Variants in HDAC4 observed in about 807,000 individuals in gnomAD.
HDAC4 encodes histone deacetylase A.
HDAC4 carries 16 observed loss-of-function variants against 135.1 expected under a neutral mutation model. That is an observed-to-expected ratio of 0.12 (90% CI 0.08 to 0.18). The LOEUF is 0.18. HDAC4 is among the 10% of genes least tolerant of loss of function. HDAC4 has a pLI of 1.00. For synonymous variants in HDAC4, 685 were observed against 653.4 expected, an observed-to-expected ratio of 1.05 and a Z score of -0.74; for missense variants, 1,143 against 1,511.8, an observed-to-expected ratio of 0.76 and a Z score of 4.05.
chr2:239,214,802 A>G (rs950254884), intron 3 of HDAC4, among the ~76,000 whole-genome samples: 5 of 152,242 alleles, frequency 3.3e-5, no homozygotes, highest in African/African-American at 1.2e-4. Context: ...CTCTGCACAC[A>G]CTTTAATGGG....
chr2:239,210,465 A>C (rs2046303608), intron 3 of HDAC4, among the ~76,000 whole-genome samples: 1 of 152,202 alleles, frequency 6.6e-6, no homozygotes, highest in South Asian at 2.1e-4. Context: ...AAAGAAAGTA[A>C]CTCAGTGCTA....
At chr2:239,182,946 C>A (rs897887904) in intron 4 of HDAC4, among the ~76,000 whole-genome samples, 2 of 152,126 alleles carry the variant, frequency 1.3e-5, no homozygotes, top group Non-Finnish European at 2.9e-5. Flanking sequence ...ATTCAGGCTT[C>A]GAAAAACAGG....
intron 8 of HDAC4, among the ~76,000 whole-genome samples, chr2:239,140,456 G>T (rs3791477): frequency 6.6e-5 from 10 of 152,206 alleles, no homozygotes; most frequent in African/African-American, 2.2e-4. Flanking sequence ...CACCTCTGAA[G>T]GGGTCTGCTG....
chr2:239,062,587 T>C (rs1361519212), intron 24 of HDAC4, among the ~76,000 whole-genome samples: 1 of 152,274 alleles, frequency 6.6e-6, no homozygotes, highest in African/African-American at 2.4e-5. Context: ...CGAAGTTCCC[T>C]ATTGTTATTT....
intron 6 of HDAC4, among the ~76,000 whole-genome samples, chr2:239,157,478 T>C (rs1184888646): frequency 1.3e-5 from 2 of 152,208 alleles, no homozygotes; most frequent in African/African-American, 2.4e-5. Flanking sequence ...ACAGGAATCG[T>C]CTGCCAGGAG....
At position 239,111,622 on chromosome 2, in the gene HDAC4, C is replaced by T. The variant is rs762919936; in HGVS notation, c.1882G>A (p.Gly628Ser). ...TGCGCCCGGGACAGAGGCCTGTGGC[C>T]GCCGAAGGACACGGGGATGCCGGCG... is the stretch of plus-strand genomic sequence containing the variant. The part of the protein sequence containing the change: ...EAAGIPVSFG[G>S]HRPLSRAQSS... Residue 628 changes from glycine to serine, a missense_variant, in exon 14 of 27, where the codon GGC becomes AGC. Around this residue, in one of 9 missense-constraint regions of HDAC4, gnomAD observed 196 missense variants for 210.7 expected, o/e 0.93. Transcript: ENST00000543185. 1.2e-5 allele frequency: 20 copies of T among 1,610,026 alleles called. No individual in the cohort carries two copies. The highest frequency in any genetic ancestry group is 1.7e-4 in the Middle Eastern group (1 of 6,028).
At position 239,325,598 on chromosome 2, in the gene HDAC4, G is replaced by T. The variant is rs1172146111; in HGVS notation, c.22+27080C>A. On this transcript the variant is annotated intron_variant, in intron 2 of 26. Coordinates refer to ENST00000543185, the MANE Select transcript of HDAC4 (RefSeq NM_001378414.1). The stretch of plus-strand genomic sequence containing the variant: ...TATTGGTGCGGATGTGAAGAAATTG[G>T]AACCCTCATACGTGGTGGGCAGGAA... Among the ~76,000 whole-genome samples, 4 of 152,218 alleles carry T rather than the reference G, an allele frequency of 2.6e-5. No individual in the cohort carries two copies. The East Asian group carries it at 7.7e-4, about 29-fold the overall frequency.
At chr2:239,168,706 G>A (rs968434096) in intron 5 of HDAC4, among the ~76,000 whole-genome samples, 2 of 152,202 alleles carry the variant, frequency 1.3e-5, no homozygotes, top group South Asian at 2.1e-4. Context: ...GGGGGAAGAC[G>A]CCGGCTTGGG....
intron 2 of HDAC4, among the ~76,000 whole-genome samples, chr2:239,342,130 T>C (rs570400610): frequency 6.6e-6 from 1 of 152,278 alleles, no homozygotes; most frequent in East Asian, 1.9e-4. Flanking sequence ...AGGTATTTTA[T>C]GATAGCAGGC....
At chr2:239,162,474 G>A in intron 6 of HDAC4, 1 of 395,506 alleles carries the variant, frequency 2.5e-6, no homozygotes, top group South Asian at 1.8e-5. Context: ...GGACAATGGA[G>A]TTTCTCCACA....
At chr2:239,317,323 T>C (rs1401094537) in intron 2 of HDAC4, among the ~76,000 whole-genome samples, 2 of 97,510 alleles carry the variant, frequency 2.1e-5, no homozygotes, top group African/African-American at 4.0e-5. Context: ...CCGGCGTGTG[T>C]GGGTGCAGGG....
intron 7 of HDAC4, among the ~76,000 whole-genome samples, chr2:239,153,420 A>C (rs1023570723): frequency 3.3e-5 from 5 of 152,254 alleles, no homozygotes; most frequent in African/African-American, 1.2e-4. Context: ...CATAACTAAA[A>C]TTTAATGACG....
chr2:239,276,561 G>A (rs2050377601), intron 2 of HDAC4, among the ~76,000 whole-genome samples: 1 of 152,232 alleles, frequency 6.6e-6, no homozygotes. Context: ...CCCTCTAGCT[G>A]GAGATGAGAC....
At chr2:239,113,524 C>A (rs556269626) in intron 13 of HDAC4, among the ~76,000 whole-genome samples, 1 of 152,350 alleles carries the variant, frequency 6.6e-6, no homozygotes, top group South Asian at 2.1e-4. Flanking sequence ...ATAAGGGGTT[C>A]TGCCTATTAC....
intron 3 of HDAC4, among the ~76,000 whole-genome samples, chr2:239,213,238 G>A (rs971656251): frequency 4.7e-4 from 5 of 10,578 alleles, no homozygotes; most frequent in African/African-American, 1.2e-3. Flanking sequence ...AGGGAGGGGC[G>A]GGCGGGGCAC....
intron 22 of HDAC4, among the ~76,000 whole-genome samples, chr2:239,077,240 C>A (rs1178144376): frequency 1.3e-5 from 2 of 152,272 alleles, no homozygotes; most frequent in Non-Finnish European, 1.5e-5. Flanking sequence ...TGGATGCAGC[C>A]CAGGTGAGCG....
intron 3 of HDAC4, among the ~76,000 whole-genome samples, chr2:239,222,461 G>A (rs1002896726): frequency 2.7e-5 from 4 of 149,966 alleles, no homozygotes; most frequent in Non-Finnish European, 5.9e-5. Context: ...CATGCAGTTG[G>A]TAAGTTGGCT....
intron 5 of HDAC4, among the ~76,000 whole-genome samples, chr2:239,175,447 ACCTTTT>A (rs2043700711): frequency 6.6e-6 from 1 of 152,226 alleles, no homozygotes; most frequent in African/African-American, 2.4e-5. Context: ...CGACACTGTT[ACCTTTT>A]CCTCAGTAGA....
chr2:239,339,653 T>C (rs1332697210), intron 2 of HDAC4, among the ~76,000 whole-genome samples: 4 of 152,168 alleles, frequency 2.6e-5, no homozygotes, highest in South Asian at 2.1e-4. Flanking sequence ...GAACCACACA[T>C]GTGGCCCGCG....
Sources: gnomAD v4.1 joint callset for allele counts (sites outside exome capture counted in the v4.1 genomes callset) on GRCh38, gnomAD v4.1.1 for gene constraint, gnomAD v4.1.1 regional missense constraint, MANE v1.5 for transcripts, NCBI Gene and HGNC (gene_info 2026-07-23, HGNC 2026-07-21) for gene names.